SLIT3: variants seen among roughly 807,000 people sequenced by gnomAD.
The protein encoded by SLIT3 is slit homolog 3 protein.
In SLIT3, 68 loss-of-function variants were observed where a neutral mutation model predicts 184.0. The observed-to-expected ratio is 0.37, with a 90% CI of 0.30 to 0.45. The LOEUF is 0.45. Ranked by LOEUF, SLIT3 falls within the 20% of genes least tolerant of loss-of-function variation. SLIT3 has a pLI of 1.00. For synonymous variants in SLIT3, 831 were observed against 828.6 expected (o/e 1.00, Z -0.05); for missense variants, 1,707 against 2,026.0 (o/e 0.84, Z 3.02).
chr5:168,868,766 AGAAAAAG>A (rs1759406713), intron 5 of SLIT3, among the ~76,000 whole-genome samples: 2 of 104,218 alleles, frequency 1.9e-5, no homozygotes, highest in African/African-American at 1.1e-4. Context: ...AAAAAAAAAA[AGAAAAAG>A]AAAAAGAAAA....
chr5:168,729,310 T>C (rs529201587), intron 20 of SLIT3, among the ~76,000 whole-genome samples: 2 of 152,056 alleles, frequency 1.3e-5, no homozygotes, highest in Admixed American at 1.3e-4. Context: ...GGCAAATACA[T>C]TGCAAAAAGG....
At chr5:168,948,920 G>T (rs1417754292) in intron 4 of SLIT3, among the ~76,000 whole-genome samples, 1 of 152,136 alleles carries the variant, frequency 6.6e-6, no homozygotes, top group East Asian at 1.9e-4. Context: ...GTCAACTTTG[G>T]GTGTGTCTTC....
intron 4 of SLIT3, among the ~76,000 whole-genome samples, chr5:169,117,729 C>T (rs1448304741): frequency 1.3e-5 from 2 of 152,314 alleles, no homozygotes; most frequent in Non-Finnish European, 2.9e-5. Flanking sequence ...ACTCTATTCC[C>T]TGCGACCCAA....
At chr5:168,822,074 T>C (rs1242892355) in intron 7 of SLIT3, among the ~76,000 whole-genome samples, 1 of 152,162 alleles carries the variant, frequency 6.6e-6, no homozygotes, top group African/African-American at 2.4e-5. Flanking sequence ...ATGTCTGGTA[T>C]GGGGCCTGAA....
intron 4 of SLIT3, among the ~76,000 whole-genome samples, chr5:168,903,274 G>C (rs1251556174): frequency 6.6e-6 from 1 of 152,208 alleles, no homozygotes; most frequent in Non-Finnish European, 1.5e-5. Context: ...CATAGGGCTG[G>C]AGATGAAAAG....
At chr5:168,759,597 T>G (rs1205402333) in intron 16 of SLIT3, among the ~76,000 whole-genome samples, 1 of 152,182 alleles carries the variant, frequency 6.6e-6, no homozygotes. Flanking sequence ...GACACTGGTT[T>G]ACAGCATGAG....
chr5:169,037,681 G>A (rs1473395314), intron 4 of SLIT3: 1 of 152,250 alleles, frequency 6.6e-6, no homozygotes, highest in Non-Finnish European at 1.5e-5. Context: ...TCATTCACAG[G>A]CTCTCGCTCA....
At chr5:168,946,114 CCCTGAGTTTA>C (rs1318096598) in intron 4 of SLIT3, among the ~76,000 whole-genome samples, 2 of 152,172 alleles carry the variant, frequency 1.3e-5, no homozygotes, top group African/African-American at 4.8e-5. Context: ...GAAACAATTT[CCCTGAGTTTA>C]CCTGGCTGGT....
intron 1 of SLIT3, among the ~76,000 whole-genome samples, chr5:169,257,383 G>T (rs955307933): frequency 2.2e-4 from 2 of 9,000 alleles, no homozygotes; most frequent in Admixed American, 1.7e-3. Context: ...CAACCTCCCC[G>T]CCCCCACCCC....
chr5:168,669,739 C>A (rs746557785), intron 35 of SLIT3, 44 bp downstream of exon 35: 2 of 1,528,842 alleles, frequency 1.3e-6, no homozygotes, highest in Non-Finnish European at 1.8e-6. Context: ...TGAAGTCCAA[C>A]TCTGACCCCC....
At chr5:168,710,496 G>T (rs769341259) in intron 25 of SLIT3, among the ~76,000 whole-genome samples, 28 of 152,260 alleles carry the variant, frequency 1.8e-4, no homozygotes, top group Admixed American at 3.3e-4. Flanking sequence ...AGGTGCAGTG[G>T]CTTATGCCTG....
Position 169,263,768 on chromosome 5 carries a change from G to T in SLIT3, c.198-12309C>A. 2 of 480,814 alleles carry T rather than the reference G, an allele frequency of 4.2e-6. 1 individual carries two copies. Among genetic ancestry groups the T allele is most frequent in the South Asian group, 3.1e-5 (2 of 65,164 alleles). 29.8% of individuals were successfully genotyped at this position (480,814 alleles called of 1,614,324 possible). A position where few individuals can be genotyped will look rare whatever the true frequency, so the allele number is the denominator to read the frequency against. On this transcript the variant is annotated intron_variant, in intron 1 of 35. Transcript: ENST00000519560. ...CCCTTCCCTGAACTTCTGAACTTCTGGATCATTTACCCTCTCTCTGCACAA... is the reference window on the plus strand; with the variant it reads ...CCCTTCCCTGAACTTCTGAACTTCTTGATCATTTACCCTCTCTCTGCACAA...
intron 4 of SLIT3, among the ~76,000 whole-genome samples, chr5:169,192,656 C>T (rs1009883453): frequency 2.0e-4 from 31 of 152,122 alleles, no homozygotes; most frequent in Admixed American, 2.0e-3. Context: ...GCCTTCCCAG[C>T]CAGGCTGTAA....
At chr5:169,186,044 G>T (rs1176348272) in intron 4 of SLIT3, among the ~76,000 whole-genome samples, 1 of 152,212 alleles carries the variant, frequency 6.6e-6, no homozygotes, top group Non-Finnish European at 1.5e-5. Context: ...GAAGCACTTT[G>T]CAGAGGACCT....
intron 1 of SLIT3, among the ~76,000 whole-genome samples, chr5:169,279,759 A>G (rs1581133886): frequency 6.6e-6 from 1 of 152,186 alleles, no homozygotes; most frequent in Non-Finnish European, 1.5e-5. Context: ...ATTGCATGGG[A>G]AAGTTGACTC....
At chr5:169,037,401 G>A (rs1248716510) in intron 4 of SLIT3, among the ~76,000 whole-genome samples, 1 of 152,186 alleles carries the variant, frequency 6.6e-6, no homozygotes, top group East Asian at 1.9e-4. Context: ...TTTTTAAAGG[G>A]AGAGAAAGCT....
At chr5:169,021,231 C>T (rs1402696911) in intron 4 of SLIT3, among the ~76,000 whole-genome samples, 1 of 152,158 alleles carries the variant, frequency 6.6e-6, no homozygotes, top group African/African-American at 2.4e-5. Flanking sequence ...CCAAGAATGC[C>T]TGTGATCTGT....
At chr5:168,781,090 C>T (rs953363599) in intron 12 of SLIT3, among the ~76,000 whole-genome samples, 1 of 152,146 alleles carries the variant, frequency 6.6e-6, no homozygotes, top group Non-Finnish European at 1.5e-5. Context: ...ATGGTGATTC[C>T]CGATGCAAGA....
intron 5 of SLIT3, among the ~76,000 whole-genome samples, chr5:168,860,465 G>C (rs1040106107): frequency 2.4e-4 from 36 of 152,238 alleles, no homozygotes; most frequent in African/African-American, 8.7e-4. Context: ...CAGGGATTTA[G>C]GGGTATATTA....
Sources: allele counts gnomAD v4.1 joint callset (sites outside exome capture counted in the v4.1 genomes callset), GRCh38; gene constraint gnomAD v4.1.1; transcripts MANE v1.5; gene names NCBI Gene and HGNC (gene_info 2026-07-23, HGNC 2026-07-21).